The following NUP160 variants were observed in gnomAD, a reference collection of about 807,000 sequenced individuals.
The protein encoded by NUP160 is nucleoporin 160.
NUP160 carries 94 observed loss-of-function variants against 196.9 expected under a neutral mutation model. The observed-to-expected ratio is 0.48, with a 90% CI of 0.40 to 0.57. The LOEUF (loss-of-function observed/expected upper bound fraction) is 0.57. NUP160 is among the 20% of genes least tolerant of loss of function. The pLI, the probability that NUP160 is intolerant of heterozygous loss-of-function variation, is 0.00. For missense variants in NUP160, 1,638 were observed against 1,748.3 expected (o/e 0.94, Z 1.13); for synonymous variants, 605 against 619.7 (o/e 0.98, Z 0.35).
chr11:47,827,086 G>A, intron 7 of NUP160: 1 of 456,102 alleles, frequency 2.2e-6, no homozygotes, highest in South Asian at 1.5e-5. Context: ...AAAAATTCAG[G>A]CTGGGTGCTG....
chr11:47,778,906 C>G (rs2097659041), exon 36 of NUP160: 8 of 481,176 alleles, frequency 1.7e-5, no homozygotes, highest in Non-Finnish European at 3.0e-5. Context: ...AGGTTGAACA[C>G]CAGAAATTGT....
At chr11:47,848,444 G>A (rs753340332) in exon 1 of NUP160, 1 of 1,505,206 alleles carries the variant, frequency 6.6e-7, no homozygotes, top group Non-Finnish European at 8.8e-7. Flanking sequence ...AGGCGGCTCC[G>A]GCCCTTCGTT....
chr11:47,813,293 A>G (rs774622842), intron 14 of NUP160, 23 bp downstream of exon 14: 2 of 1,471,506 alleles, frequency 1.4e-6, no homozygotes, highest in East Asian at 2.3e-5. Flanking sequence ...GGGATTAAAT[A>G]TGGACATAAC....
chr11:47,828,786 TGTCTGAG>T (rs1852023123), intron 7 of NUP160, among the ~76,000 whole-genome samples: 1 of 152,164 alleles, frequency 6.6e-6, no homozygotes, highest in South Asian at 2.1e-4. Flanking sequence ...TAAAACCATG[TGTCTGAG>T]GTCAAATGAT....
At chr11:47,793,291 A>G (rs893498311) in intron 27 of NUP160, among the ~76,000 whole-genome samples, 3 of 152,038 alleles carry the variant, frequency 2.0e-5, no homozygotes, top group Admixed American at 1.3e-4. Context: ...AGCCTTCCAA[A>G]ATTTGTTTCT....
chr11:47,782,303 AATATATATATATATATATATAT>A (rs10529981), intron 34 of NUP160, among the ~76,000 whole-genome samples: 2,971 of 40,508 alleles, frequency 0.073, 269 homozygotes, highest in South Asian at 0.11. Context: ...AAAAAAAAAA[AATATATATATATATATATATAT>A]ATATATATAT....
chr11:47,847,648 T>TGGGGGGGGGGGGGGGGGGGGGGGG (rs56283744), intron 2 of NUP160, among the ~76,000 whole-genome samples, 200 bp downstream of exon 2: 1 of 77,460 alleles, frequency 1.3e-5, no homozygotes, highest in Non-Finnish European at 2.3e-5. Flanking sequence ...TGTGTGGGGG[T>TGGGGGGGGGGGGGGGGGGGGGGGG]GGGGGGGGGG....
At chr11:47,832,722 TCC>T (rs1852101980) in intron 7 of NUP160, among the ~76,000 whole-genome samples, 1 of 152,252 alleles carries the variant, frequency 6.6e-6, no homozygotes, top group Non-Finnish European at 1.5e-5. Context: ...ACAGTAAAAC[TCC>T]GGTCTCCTGT....
intron 19 of NUP160, among the ~76,000 whole-genome samples, chr11:47,806,852 C>CACATATATATAT (rs1428564239): frequency 2.4e-5 from 3 of 124,252 alleles, no homozygotes; most frequent in Admixed American, 8.5e-5. Flanking sequence ...CACACACACA[C>CACATATATATAT]ATATATATAC....
Position 47,788,614 on chromosome 11 carries a change from A to G in NUP160, c.3512-3T>C, listed in dbSNP as rs775260767. The G allele has an allele frequency of 1.6e-5, 26 of 1,601,598 alleles. No individual in the cohort carries two copies. Among genetic ancestry groups the G allele is most frequent in the Middle Eastern group, 3.3e-4 (2 of 6,050 alleles). On this transcript the variant is annotated splice_polypyrimidine_tract_variant and splice_region_variant and intron_variant, in intron 29 of 35. Coordinates refer to ENST00000378460, the Ensembl canonical transcript of NUP160. ...CAGGATTTCAATTTGTCGATTTGCT[A>G]TACATCAAAGAAAAATATTTTGAAC...
intron 10 of NUP160, 35 bp from the exon 11 acceptor site, chr11:47,818,159 C>T (rs1005612572): frequency 6.9e-7 from 1 of 1,449,560 alleles, no homozygotes; most frequent in Admixed American, 1.8e-5. Context: ...TACTATTGTC[C>T]TAAACAAAAT....
intron 23 of NUP160, among the ~76,000 whole-genome samples, chr11:47,801,358 GT>G (rs543642748): frequency 1.6e-4 from 24 of 150,672 alleles, no homozygotes; most frequent in African/African-American, 5.4e-4. Context: ...ATTTCTTTTT[GT>G]TTTTTTTTGG....
At chr11:47,823,012 T>C (rs540065692) in intron 7 of NUP160, among the ~76,000 whole-genome samples, 2 of 152,342 alleles carry the variant, frequency 1.3e-5, no homozygotes, top group South Asian at 2.1e-4. Flanking sequence ...CGATTGTGAA[T>C]AGTGCCACAA....
chr11:47,782,050 G>C (rs891205019), intron 34 of NUP160, among the ~76,000 whole-genome samples: 1 of 151,954 alleles, frequency 6.6e-6, no homozygotes, highest in African/African-American at 2.4e-5. Context: ...GGAGGCCGAG[G>C]TGGGTGGATC....
At chr11:47,825,035 C>T (rs1282934548) in intron 7 of NUP160, among the ~76,000 whole-genome samples, 2 of 152,086 alleles carry the variant, frequency 1.3e-5, no homozygotes, top group Non-Finnish European at 2.9e-5. Flanking sequence ...CAGGGTTTCC[C>T]TGTGTTAGAC....
At chr11:47,802,475 CACAT>C (rs1296111728) in intron 22 of NUP160, among the ~76,000 whole-genome samples, 2 of 151,644 alleles carry the variant, frequency 1.3e-5, no homozygotes, top group African/African-American at 4.8e-5. Flanking sequence ...AGATGATTGA[CACAT>C]ACATACATAA....
chr11:47,779,181 A>G, exon 36 of NUP160: 2 of 1,609,040 alleles, frequency 1.2e-6, no homozygotes. Context: ...TTTGTCAAGT[A>G]TTTTCTGGGA....
chr11:47,831,843 A>T (rs1485040710), intron 7 of NUP160, among the ~76,000 whole-genome samples: 3 of 2,572 alleles, frequency 1.2e-3, no homozygotes, highest in Admixed American at 6.1e-3. Flanking sequence ...ACTCTCTCTC[A>T]AAAAAAAAAA....
intron 7 of NUP160, among the ~76,000 whole-genome samples, chr11:47,835,159 G>A (rs917638631): frequency 6.6e-6 from 1 of 152,180 alleles, no homozygotes; most frequent in Non-Finnish European, 1.5e-5. Context: ...TGAGCCCAGA[G>A]TAAGCACAAT....
Sources: allele counts gnomAD v4.1 joint callset (sites outside exome capture counted in the v4.1 genomes callset), GRCh38; gene constraint gnomAD v4.1.1; transcripts MANE v1.5; gene names NCBI Gene and HGNC (gene_info 2026-07-23, HGNC 2026-07-21).